The following AIFM1 variants were observed in gnomAD, a reference collection of about 807,000 sequenced individuals.
The protein encoded by AIFM1 is apoptosis inducing factor mitochondria associated 1, also known as apoptosis-inducing factor 1, mitochondrial.
A neutral mutation model predicts 51.7 loss-of-function variants in AIFM1; 3 were observed. The observed-to-expected ratio is 0.06, with a 90% CI of 0.03 to 0.15. The LOEUF (loss-of-function observed/expected upper bound fraction) is 0.15. Ranked by LOEUF, AIFM1 falls within the 10% of genes least tolerant of loss-of-function variation. The pLI is 1.00. For missense variants in AIFM1, 330 were observed against 476.8 expected (o/e 0.69, Z 2.87); for synonymous variants, 178 against 179.4 (o/e 0.99, Z 0.06).
intron 14 of AIFM1, 70 bp downstream of exon 14, chrX:130,131,605 C>T (rs772127469): frequency 1.7e-6 from 2 of 1,188,181 alleles, no homozygotes; most frequent in African/African-American, 3.5e-5. Context: ...AATACAGAAA[C>T]CCCTTGTTCA....
At chrX:130,149,618 T>G in intron 2 of AIFM1, 50 bp from the exon 3 acceptor site, 2 of 849,516 alleles carry the variant, frequency 2.4e-6, no homozygotes, top group Non-Finnish European at 3.5e-6. Flanking sequence ...AGCTAGCTCA[T>G]ACTGTAAGTA....
chrX:130,136,759 G>A (rs776416113), intron 10 of AIFM1, 28 bp from the exon 11 acceptor site: 13 of 1,172,812 alleles, frequency 1.1e-5, no homozygotes, highest in African/African-American at 1.8e-5. Flanking sequence ...ACCTGAGAGT[G>A]AGCCTACAAG....
In AIFM1 at chrX:130,147,645, C is replaced by T. The variant is rs761679165; in HGVS notation, c.475-22G>A. The T allele has an allele frequency of 3.4e-5, 41 of 1,210,278 alleles. 1 individual carries two copies. The highest frequency in any genetic ancestry group is 2.5e-4 in the South Asian group (14 of 56,850). On this transcript the variant is annotated intron_variant, in intron 4 of 15. Transcript: ENST00000287295. ...GTACCTTCAGACATAAAAATCATGA[C>T]GCTTATCAGAGCCAAGTCATTTAAG...
intron 2 of AIFM1, among the ~76,000 whole-genome samples, chrX:130,153,991 G>C (rs374025983): frequency 3.6e-5 from 4 of 112,362 alleles, no homozygotes; most frequent in African/African-American, 1.3e-4. Context: ...GTTCTCTTGA[G>C]ACTAATACCA....
At chrX:130,161,676 C>T (rs1307950284) in intron 1 of AIFM1, among the ~76,000 whole-genome samples, 3 of 100,122 alleles carry the variant, frequency 3.0e-5, no homozygotes, top group Non-Finnish European at 6.0e-5. Context: ...GGTGTGATCT[C>T]GGTTCACCGC....
intron 1 of AIFM1, among the ~76,000 whole-genome samples, chrX:130,160,084 C>G (rs368593254): frequency 8.9e-6 from 1 of 111,996 alleles, no homozygotes; most frequent in Non-Finnish European, 1.9e-5. Flanking sequence ...AATATTTAAA[C>G]TACTGCTTGA....
intron 9 of AIFM1, 86 bp from the exon 10 acceptor site, chrX:130,137,271 GC>G: frequency 8.3e-7 from 1 of 1,203,601 alleles, no homozygotes. Context: ...GCAGCAGGCA[GC>G]CCTCACTACA....
intron 6 of AIFM1, among the ~76,000 whole-genome samples, chrX:130,143,206 T>C (rs2030638395): frequency 2.7e-5 from 3 of 112,023 alleles, no homozygotes; most frequent in Admixed American, 9.5e-5. Flanking sequence ...TTTCAACTTC[T>C]ACACATATGC....
chrX:130,160,883 A>AAAATAAATAAATAAATAAATAAAT (rs754564979), intron 1 of AIFM1, among the ~76,000 whole-genome samples: 1 of 107,055 alleles, frequency 9.3e-6, no homozygotes, highest in African/African-American at 3.5e-5. Flanking sequence ...TCTCTACTTA[A>AAAATAAATAAATAAATAAATAAAT]AAATAAATAA....
chrX:130,159,676 ACAAATTTGTTTTAATATCATACT>A (rs765505367), intron 1 of AIFM1, among the ~76,000 whole-genome samples: 1 of 109,662 alleles, frequency 9.1e-6, no homozygotes, highest in African/African-American at 3.3e-5. Flanking sequence ...AGACATTATA[ACAAATTTGTTTTAATATCATACT>A]CATGTTTATT....
In AIFM1 at chrX:130,139,834, A is replaced by T; in HGVS notation, c.819T>A (p.Ala273=). 1.3e-5 allele frequency: 16 copies of T among 1,211,530 alleles called. No individual in the cohort carries two copies. Among genetic ancestry groups the T allele is most frequent in the Non-Finnish European group, 1.8e-5 (16 of 895,172 alleles). ...TTGTTCTACTCTTCACCTCTGCTCC[A>T]GCCCTATCAATGGCAGACAGACTTC... ...TPRSLSAIDR[A]GAEVKSRTTL... Residue 273 remains alanine, a synonymous_variant, in exon 8 of 16, where the codon GCT becomes GCA. Coordinates refer to ENST00000287295, the MANE Select transcript of AIFM1 (RefSeq NM_004208.4).
At chrX:130,134,469 C>T (rs754364469) in intron 12 of AIFM1, among the ~76,000 whole-genome samples, 25 of 110,739 alleles carry the variant, frequency 2.3e-4, no homozygotes, top group South Asian at 7.7e-4. Flanking sequence ...TTCATTCATT[C>T]GACAAATATT....
chrX:130,155,558 G>A (rs1216110273), intron 2 of AIFM1, among the ~76,000 whole-genome samples: 1 of 112,459 alleles, frequency 8.9e-6, no homozygotes, highest in Non-Finnish European at 1.9e-5. Context: ...ATCAGGGGAT[G>A]AGGATATAGG....
Position 130,129,986 on chromosome X carries a change from A to G in AIFM1, c.1754T>C (p.Met585Thr), listed in dbSNP as rs778929595. The G allele has an allele frequency of 1.7e-6, 2 of 1,211,600 alleles. No homozygotes were observed. Among genetic ancestry groups the G allele is most frequent in the Non-Finnish European group, 2.2e-6 (2 of 895,421 alleles). Reference sequence around the variant, plus strand: ...GGCACCTACCTTCCTTGCTATTGGCATTCGGTTAAAGATGTTCCATAGCAC... The same window carrying G: ...GGCACCTACCTTCCTTGCTATTGGCGTTCGGTTAAAGATGTTCCATAGCAC... ...GIVLWNIFNR[M>T]PIARKIIKDG... The change falls in exon 15 of 16, where the codon ATG becomes ACG. Residue 585 changes from methionine (M) to threonine (T), a missense_variant. Around this residue, in one of 4 missense-constraint regions of AIFM1, gnomAD observed 12 missense variants for 32.1 expected, o/e 0.37. Transcript: ENST00000287295.
At chrX:130,159,030 T>C (rs190729261) in intron 1 of AIFM1, among the ~76,000 whole-genome samples, 66 of 111,990 alleles carry the variant, frequency 5.9e-4, no homozygotes, top group Non-Finnish European at 9.6e-4. Context: ...TTGAATTATC[T>C]GGTCTTAAGT....
chrX:130,129,718 A>T, intron 15 of AIFM1, 90 bp from the exon 16 acceptor site: 1 of 891,929 alleles, frequency 1.1e-6, no homozygotes, highest in Non-Finnish European at 1.6e-6. Flanking sequence ...GGCAGTCCCC[A>T]TATCACACTG....
At chrX:130,130,747 C>T (rs937282117) in intron 14 of AIFM1, among the ~76,000 whole-genome samples, 1 of 111,997 alleles carries the variant, frequency 8.9e-6, no homozygotes, top group African/African-American at 3.2e-5. Context: ...TTAGACAAAG[C>T]AGAAGGCACT....
At chrX:130,130,974 C>T (rs1207996693) in intron 14 of AIFM1, among the ~76,000 whole-genome samples, 2 of 112,691 alleles carry the variant, frequency 1.8e-5, no homozygotes, top group African/African-American at 6.5e-5. Context: ...AAAGGACCTA[C>T]ATATCCATAT....
chrX:130,162,534 A>C (rs1308588757), intron 1 of AIFM1, among the ~76,000 whole-genome samples: 1 of 112,309 alleles, frequency 8.9e-6, no homozygotes, highest in East Asian at 2.8e-4. Context: ...GTAACTTATT[A>C]ACTGGTTACA....
Sources: allele counts gnomAD v4.1 joint callset (sites outside exome capture counted in the v4.1 genomes callset), GRCh38; gene constraint gnomAD v4.1.1; regional missense constraint gnomAD v4.1.1; transcripts MANE v1.5; gene names NCBI Gene and HGNC (gene_info 2026-07-23, HGNC 2026-07-21).